The following SCAPER variants were observed in gnomAD, a reference collection of about 807,000 sequenced individuals.
The protein encoded by SCAPER is S phase cyclin A-associated protein in the endoplasmic reticulum.
SCAPER carries 98 observed loss-of-function variants against 182.2 expected under a neutral mutation model. That is an observed-to-expected ratio of 0.54 (90% CI 0.46 to 0.64). The LOEUF is 0.64. Among genes scored for constraint, SCAPER ranks in the 30% least tolerant of loss-of-function variants. The pLI, the probability that SCAPER is intolerant of heterozygous loss-of-function variation, is 0.00. For missense variants in SCAPER, 1,432 were observed against 1,690.0 expected (o/e 0.85, Z 2.68); for synonymous variants, 605 against 564.6 (o/e 1.07, Z -1.01).
intron 23 of SCAPER, among the ~76,000 whole-genome samples, chr15:76,507,482 C>A (rs1457933638): frequency 1.3e-5 from 2 of 152,182 alleles, no homozygotes; most frequent in South Asian, 2.1e-4. Flanking sequence ...CTTCTAATAG[C>A]ATTCCACAGC....
intron 4 of SCAPER, among the ~76,000 whole-genome samples, chr15:76,848,175 A>G (rs886255149): frequency 2.7e-5 from 4 of 149,834 alleles, no homozygotes; most frequent in Non-Finnish European, 4.4e-5. Context: ...TAATTTTTCT[A>G]TTTTTGTAGA....
At chr15:76,556,316 T>C (rs1220959006) in intron 23 of SCAPER, among the ~76,000 whole-genome samples, 1 of 151,654 alleles carries the variant, frequency 6.6e-6, no homozygotes, top group Non-Finnish European at 1.5e-5. Context: ...CACACCAGAA[T>C]GAACTAGAAA....
chr15:76,836,585 A>C (rs1015982519), intron 5 of SCAPER, among the ~76,000 whole-genome samples: 2 of 152,186 alleles, frequency 1.3e-5, no homozygotes, highest in African/African-American at 2.4e-5. Flanking sequence ...TTAAAAAGTA[A>C]TTGTAGGCTG....
At chr15:76,682,264 T>TCCCCCCCCCCCC (rs573661987) in intron 20 of SCAPER, among the ~76,000 whole-genome samples, 10 of 130,518 alleles carry the variant, frequency 7.7e-5, no homozygotes, top group African/African-American at 8.6e-5. Context: ...TCACCTCCCT[T>TCCCCCCCCCCCC]CCCCCCCCCA....
At position 76,747,264 on chromosome 15, in the gene SCAPER, G is replaced by C. The variant is rs147307301; in HGVS notation, c.1866+6544C>G. On this transcript the variant is annotated intron_variant, in intron 15 of 31. Coordinates refer to ENST00000563290, the MANE Select transcript of SCAPER (RefSeq NM_020843.4). ...CACACCTGTAATCCCAGCACTTTGG[G>C]AGACCAAGGTGGGCAGATCACAAGG... Among the ~76,000 whole-genome samples, 1,385 of 152,266 alleles carry C rather than the reference G, an allele frequency of 9.1e-3. 21 individuals carry two copies. The highest frequency in any genetic ancestry group is 0.032 in the African/African-American group (1,345 of 41,542).
chr15:76,371,654 C>T (rs1038324208), intron 29 of SCAPER, among the ~76,000 whole-genome samples: 1 of 151,184 alleles, frequency 6.6e-6, no homozygotes, highest in Non-Finnish European at 1.5e-5. Context: ...TGTGGTGGCT[C>T]ATTCCTGTAA....
intron 5 of SCAPER, among the ~76,000 whole-genome samples, chr15:76,821,237 A>G (rs1442178891): frequency 2.6e-5 from 4 of 152,252 alleles, no homozygotes; most frequent in East Asian, 3.8e-4. Context: ...GACGTTCTTC[A>G]GTACATGAAT....
intron 23 of SCAPER, among the ~76,000 whole-genome samples, chr15:76,570,914 G>A (rs1220971053): frequency 6.6e-6 from 1 of 151,986 alleles, no homozygotes; most frequent in African/African-American, 2.4e-5. Context: ...GCCAGGGGTT[G>A]GACTATGGGT....
chr15:76,409,954 A>ATTT (rs534239321), intron 26 of SCAPER, among the ~76,000 whole-genome samples: 3 of 137,074 alleles, frequency 2.2e-5, no homozygotes, highest in African/African-American at 5.4e-5. Context: ...GGCCTGGCTA[A>ATTT]TTTTTTTTTT....
chr15:76,383,787 C>T (rs993560306), intron 27 of SCAPER, among the ~76,000 whole-genome samples: 3 of 152,196 alleles, frequency 2.0e-5, no homozygotes, highest in Non-Finnish European at 2.9e-5. Flanking sequence ...CCAGGTCAAA[C>T]GGAGGCTGAC....
chr15:76,545,449 T>C (rs2045190708), intron 23 of SCAPER, among the ~76,000 whole-genome samples: 1 of 152,162 alleles, frequency 6.6e-6, no homozygotes, highest in Non-Finnish European at 1.5e-5. Flanking sequence ...GATGCCGTTA[T>C]AGTGTACATG....
At chr15:76,476,674 C>G (rs958271121) in intron 24 of SCAPER, among the ~76,000 whole-genome samples, 10 of 132,862 alleles carry the variant, frequency 7.5e-5, no homozygotes, top group African/African-American at 2.7e-5. Flanking sequence ...ACTTCCTGGC[C>G]TCAAGTGATC....
At chr15:76,458,429 T>A (rs2048911843) in intron 25 of SCAPER, among the ~76,000 whole-genome samples, 1 of 152,162 alleles carries the variant, frequency 6.6e-6, no homozygotes, top group South Asian at 2.1e-4. Flanking sequence ...CACACATATA[T>A]ATACACATAT....
At chr15:76,513,118 T>C (rs987156800) in intron 23 of SCAPER, among the ~76,000 whole-genome samples, 1 of 152,138 alleles carries the variant, frequency 6.6e-6, no homozygotes, top group Non-Finnish European at 1.5e-5. Flanking sequence ...CCATTCTCTC[T>C]TGTCTGCAAG....
chr15:76,784,704 C>G (rs190624049), intron 8 of SCAPER, among the ~76,000 whole-genome samples: 2 of 152,148 alleles, frequency 1.3e-5, no homozygotes, highest in South Asian at 2.1e-4. Flanking sequence ...ACCAATGGAA[C>G]AGAACAGAGG....
At chr15:76,807,690 C>G (rs978878130) in intron 5 of SCAPER, among the ~76,000 whole-genome samples, 1 of 120,824 alleles carries the variant, frequency 8.3e-6, no homozygotes, top group African/African-American at 3.1e-5. Context: ...CCCCTCCCCC[C>G]ACCCCATAAC....
intron 1 of SCAPER, among the ~76,000 whole-genome samples, chr15:76,901,940 C>T (rs1253445949): frequency 2.0e-5 from 3 of 152,126 alleles, no homozygotes; most frequent in South Asian, 2.1e-4. Context: ...AGGATGGTCT[C>T]GATCTCCTGA....
At chr15:76,378,565 C>T (rs549186287) in intron 28 of SCAPER, among the ~76,000 whole-genome samples, 3 of 152,296 alleles carry the variant, frequency 2.0e-5, no homozygotes, top group African/African-American at 4.8e-5. Context: ...TTCTTGATCA[C>T]GTCCATCTAC....
intron 21 of SCAPER, among the ~76,000 whole-genome samples, chr15:76,646,724 CA>C (rs1261497352): frequency 4.6e-5 from 7 of 152,200 alleles, no homozygotes; most frequent in African/African-American, 1.7e-4. Flanking sequence ...AACTTTCAAG[CA>C]ACCACATGTA....
Sources: allele counts gnomAD v4.1 joint callset (sites outside exome capture counted in the v4.1 genomes callset), GRCh38; gene constraint gnomAD v4.1.1; transcripts MANE v1.5; gene names NCBI Gene and HGNC (gene_info 2026-07-23, HGNC 2026-07-21).